BCAT2: variants seen among roughly 807,000 people sequenced by gnomAD.
BCAT2 encodes branched chain amino acid transaminase 2.
BCAT2 carries 44 observed loss-of-function variants against 52.9 expected under a neutral mutation model. That is an observed-to-expected ratio of 0.83 (90% confidence interval 0.65 to 1.07). The LOEUF (loss-of-function observed/expected upper bound fraction) is 1.07, where lower values mean the gene tolerates loss of function less well. Ranked by LOEUF, BCAT2 falls within the 50% of genes least tolerant of loss-of-function variation. The probability of loss-of-function intolerance (pLI) is 0.00; values close to 1 mark genes in which losing one functional copy is unlikely to be tolerated. For missense variants in BCAT2, 478 were observed against 521.8 expected, an observed-to-expected ratio of 0.92 and a Z score of 0.82; for synonymous variants, 215 against 217.1, an observed-to-expected ratio of 0.99 and a Z score of 0.08.
chr19:48,806,747 T>G, intron 2 of BCAT2, 30 bp from the exon 3 acceptor site: 1 of 1,608,322 alleles, frequency 6.2e-7, no homozygotes, highest in Non-Finnish European at 8.5e-7. Context: ...TCCTAGAATC[T>G]GGCCACAACC....
chr19:48,805,039 G>A (rs1213992952), intron 3 of BCAT2, among the ~76,000 whole-genome samples: 1 of 151,930 alleles, frequency 6.6e-6, no homozygotes, highest in African/African-American at 2.4e-5. Context: ...GGAGGGAAAG[G>A]AAAGAAAGGA....
chr19:48,802,542 G>C (rs1449916040), intron 3 of BCAT2, among the ~76,000 whole-genome samples: 1 of 148,540 alleles, frequency 6.7e-6, no homozygotes, highest in Non-Finnish European at 1.5e-5. Context: ...CCGCCTCCCG[G>C]GTTCAAGCAA....
At chr19:48,796,014 G>A (rs1408065303) in intron 10 of BCAT2, 1 of 352,224 alleles carries the variant, frequency 2.8e-6, no homozygotes, top group Non-Finnish European at 5.1e-6. Context: ...GGCTGGCTAA[G>A]GTCTCAGTGA....
intron 3 of BCAT2, 71 bp from the exon 4 acceptor site, chr19:48,800,368 G>A (rs947825822): frequency 3.6e-5 from 49 of 1,356,456 alleles, no homozygotes; most frequent in Non-Finnish European, 4.9e-5. Flanking sequence ...AAGACAGACA[G>A]AGACAGATAC....
At position 48,799,877 on chromosome 19, in the gene BCAT2, C is replaced by G; in HGVS notation, c.532-39G>C. The G allele has an allele frequency of 1.3e-6, 2 of 1,580,360 alleles. No individual in the cohort carries two copies. The highest frequency in any genetic ancestry group is 8.6e-7 in the Non-Finnish European group (1 of 1,164,034). ...AGGGACAGCGTCAGGAGTCCAGGCC[C>G]CCAGTCCCTTCCCGTCCCCAGGCCC... On this transcript the variant is annotated intron_variant, in intron 5 of 10. Coordinates refer to ENST00000316273, the MANE Select transcript of BCAT2 (RefSeq NM_001190.4). The surrounding 1 kb of genome is among the most constrained non-coding windows in gnomAD (Gnocchi z 5.5).
chr19:48,807,136 G>T lies in BCAT2; in HGVS notation c.25-62C>A. 5 of 1,400,914 alleles carry T rather than the reference G, an allele frequency of 3.6e-6. No individual in the cohort carries two copies. Among genetic ancestry groups the T allele is most frequent in the Non-Finnish European group, 5.0e-6 (5 of 1,009,656 alleles). The allele number at this position is 1,400,914 out of a possible 1,614,324, so 86.8% of individuals were successfully genotyped here. ...GGCACAGCAGGGGCCCTGGCAGCTC[G>T]CTCGCCACCTCCTGCACTTGGAGGT... is the stretch of plus-strand genomic sequence containing the variant. On this transcript the variant is annotated intron_variant, in intron 1 of 10. Transcript: ENST00000316273. The surrounding 1 kb of genome is among the most constrained non-coding windows in gnomAD (Gnocchi z 4.6).
At position 48,799,694 on chromosome 19, in the gene BCAT2, C is replaced by T. The variant is rs1355646418; in HGVS notation, c.676G>A (p.Gly226Ser). Reference sequence around the variant, plus strand: ...ACTTACCCACCTAACTTGTAGTTGCCGACCCCGCCCACCCAGGCCCGGATG... The same window carrying T: ...ACTTACCCACCTAACTTGTAGTTGCTGACCCCGCCCACCCAGGCCCGGATG... ...AFIRAWVGGV[G>S]NYKLGGNYGP... The change falls in exon 6 of 11, where the codon GGC (glycine) becomes AGC (serine). Residue 226 changes from glycine (G) to serine (S), a missense_variant. Transcript: ENST00000316273. The surrounding 1 kb of genome is among the most constrained non-coding windows in gnomAD (Gnocchi z 5.5). 6 of 1,585,668 alleles carry T rather than the reference C, an allele frequency of 3.8e-6. No homozygotes were observed. Among genetic ancestry groups the T allele is most frequent in the Middle Eastern group, 3.5e-4 (2 of 5,662 alleles).
intron 3 of BCAT2, among the ~76,000 whole-genome samples, chr19:48,804,856 TC>T (rs2034731320): frequency 6.6e-6 from 1 of 152,144 alleles, no homozygotes; most frequent in African/African-American, 2.4e-5. Context: ...GCAGGCGGAA[TC>T]CTGCCCATCA....
intron 6 of BCAT2, among the ~76,000 whole-genome samples, chr19:48,798,194 C>T (rs959850215): frequency 2.0e-5 from 3 of 152,154 alleles, no homozygotes; most frequent in Non-Finnish European, 4.4e-5. Context: ...CGTGAGCTAC[C>T]GCGCCTGGCT....
chr19:48,803,665 T>C (rs958613157), intron 3 of BCAT2, among the ~76,000 whole-genome samples: 1 of 151,408 alleles, frequency 6.6e-6, no homozygotes, highest in African/African-American at 2.4e-5. Flanking sequence ...CTGGGTAACA[T>C]GGTGAAACCC....
intron 1 of BCAT2, among the ~76,000 whole-genome samples, chr19:48,809,413 C>A (rs1266123383): frequency 1.3e-5 from 2 of 151,782 alleles, no homozygotes; most frequent in Non-Finnish European, 2.9e-5. Context: ...CCCAGCAGTG[C>A]CCTCCATACT....
In BCAT2 at chr19:48,811,010, T is replaced by C. The variant is rs1359207794; in HGVS notation, c.-3A>G. On this transcript the variant is annotated 5_prime_UTR_variant, in exon 1 of 11. Coordinates refer to ENST00000316273, the MANE Select transcript of BCAT2 (RefSeq NM_001190.4). Reference sequence around the variant, plus strand: ...TGCCCCAGAGCGGCTGCGGCCATGATCCGTGCGGCGCGTAACTGTGCCCGC... The same window carrying C: ...TGCCCCAGAGCGGCTGCGGCCATGACCCGTGCGGCGCGTAACTGTGCCCGC... 1 of 1,605,860 alleles carries C rather than the reference T, an allele frequency of 6.2e-7. No homozygotes were observed. The highest frequency in any genetic ancestry group is 2.3e-5 in the East Asian group (1 of 44,358).
chr19:48,808,153 G>A, intron 1 of BCAT2: 3 of 986,862 alleles, frequency 3.0e-6, no homozygotes, highest in Non-Finnish European at 3.6e-6. Context: ...TGAGGCTCCA[G>A]GGATTCCGGG....
chr19:48,799,698 C>A lies in BCAT2; in HGVS notation c.672G>T (p.Gly224=). The change falls in exon 6 of 11, where the codon GGG becomes GGT. Residue 224 remains glycine (G), a synonymous_variant. Transcript: ENST00000316273. The surrounding 1 kb of genome is among the most constrained non-coding windows in gnomAD (Gnocchi z 5.5). The part of the protein sequence containing the change: ...DPAFIRAWVG[G]VGNYKLGGNY... ...ACCCACCTAACTTGTAGTTGCCGAC[C>A]CCGCCCACCCAGGCCCGGATGAAGG... 1 of 1,586,892 alleles carries A rather than the reference C, an allele frequency of 6.3e-7. No individual in the cohort carries two copies.
intron 6 of BCAT2, 176 bp from the exon 7 acceptor site, chr19:48,797,509 G>T: frequency 1.4e-6 from 1 of 690,018 alleles, no homozygotes; most frequent in Non-Finnish European, 2.4e-6. Flanking sequence ...ACCCTAAATG[G>T]TTATGTCCCC....
Position 48,799,332 on chromosome 19 carries a change from G to A in BCAT2, c.695+343C>T. 1 of 229,914 alleles carries A rather than the reference G, an allele frequency of 4.3e-6. No homozygotes were observed. Among genetic ancestry groups the A allele is most frequent in the Non-Finnish European group, 8.4e-6 (1 of 119,348 alleles). 14.2% of individuals were successfully genotyped at this position (229,914 alleles called of 1,614,324 possible). ...AGCTGGGTATGGGGAGCGCAGCCCA[G>A]CCTGGGGGATCAGGGGAGGCTTCTG... On this transcript the variant is annotated intron_variant, in intron 6 of 10. Transcript: ENST00000316273. This position sits in a 1 kb window ranked among gnomAD's most constrained non-coding sequence, Gnocchi z 5.5.
chr19:48,798,047 A>T (rs1421059302), intron 6 of BCAT2, among the ~76,000 whole-genome samples: 2 of 151,088 alleles, frequency 1.3e-5, no homozygotes, highest in Middle Eastern at 3.5e-3. Context: ...GGATTACAAG[A>T]GTGAGCCACA....
chr19:48,804,295 G>A (rs892447239), intron 3 of BCAT2, among the ~76,000 whole-genome samples: 22 of 152,138 alleles, frequency 1.4e-4, no homozygotes, highest in African/African-American at 5.3e-4. Context: ...TGCAATCCCA[G>A]CACTTTGGGA....
chr19:48,800,440 C>G (rs987548958), intron 3 of BCAT2, 143 bp from the exon 4 acceptor site: 2 of 701,982 alleles, frequency 2.8e-6, no homozygotes, highest in Middle Eastern at 2.8e-4. Flanking sequence ...GATTTAGCAG[C>G]TGGGTCAGAG....
Sources: gnomAD v4.1 joint callset for allele counts (sites outside exome capture counted in the v4.1 genomes callset) on GRCh38, gnomAD v4.1.1 for gene constraint, Gnocchi (gnomAD v3.1) non-coding constraint, MANE v1.5 for transcripts, NCBI Gene and HGNC (gene_info 2026-07-23, HGNC 2026-07-21) for gene names.